The following PXDNL variants were observed in gnomAD, a reference collection of about 807,000 sequenced individuals.
PXDNL encodes peroxidasin like, also known as probable oxidoreductase PXDNL.
A neutral mutation model predicts 150.8 loss-of-function variants in PXDNL; 145 were observed. That is an observed-to-expected ratio of 0.96 (90% CI 0.84 to 1.10). The LOEUF (loss-of-function observed/expected upper bound fraction) is 1.10. Ranked by LOEUF, PXDNL falls within the 50% of genes least tolerant of loss-of-function variation. The pLI is 0.00. For synonymous variants in PXDNL, 757 were observed against 725.7 expected (o/e 1.04, Z -0.69); for missense variants, 2,087 against 1,873.9 (o/e 1.11, Z -2.10).
intron 5 of PXDNL, among the ~76,000 whole-genome samples, chr8:51,486,299 T>A (rs1447088587): frequency 2.0e-5 from 3 of 152,198 alleles, no homozygotes; most frequent in Non-Finnish European, 2.9e-5. Context: ...TGAATTTTTT[T>A]AATTTTGTAC....
chr8:51,696,582 C>G (rs956859781), intron 1 of PXDNL, among the ~76,000 whole-genome samples: 9 of 144,374 alleles, frequency 6.2e-5, no homozygotes, highest in African/African-American at 2.3e-4. Context: ...AGACACAACT[C>G]AAGGCCCATG....
Position 51,408,470 on chromosome 8 carries a change from C to T in PXDNL, c.3154G>A (p.Ala1052Thr), listed in dbSNP as rs370428390. ...AGIINSFATAAFRFGHTLINP... is the reference protein window; with the variant it reads ...AGIINSFATATFRFGHTLINP... ...ATTAATGTGTGGCCAAATCTAAAGG[C>T]TGCAGTAGCAAAAGAGTTAATGATG... The change falls in exon 17 of 23, where the codon GCC (alanine) becomes ACC (threonine). Residue 1052 changes from alanine to threonine, a missense_variant. By Grantham distance (58) the Ala-to-Thr change is moderately conservative (BLOSUM62 0). Coordinates refer to ENST00000356297, the MANE Select transcript of PXDNL (RefSeq NM_144651.5). 18 of 1,613,756 alleles carry T rather than the reference C, an allele frequency of 1.1e-5. No homozygotes were observed. The highest frequency in any genetic ancestry group is 1.7e-5 in the Admixed American group (1 of 59,974).
intron 4 of PXDNL, among the ~76,000 whole-genome samples, chr8:51,547,440 T>C (rs1405808565): frequency 6.6e-6 from 1 of 152,106 alleles, no homozygotes; most frequent in East Asian, 1.9e-4. Flanking sequence ...AGAGTCCACT[T>C]CACTTCCCCA....
intron 5 of PXDNL, among the ~76,000 whole-genome samples, chr8:51,495,115 G>A (rs1396683947): frequency 1.3e-5 from 2 of 151,866 alleles, no homozygotes; most frequent in African/African-American, 4.8e-5. Flanking sequence ...TAGAACCCAG[G>A]ATTAAGAAAC....
chr8:51,603,644 G>A (rs985056963), intron 2 of PXDNL, among the ~76,000 whole-genome samples: 9 of 151,968 alleles, frequency 5.9e-5, no homozygotes, highest in Admixed American at 2.0e-4. Flanking sequence ...AGCATATCCT[G>A]TAATGACCAT....
At chr8:51,606,227 T>C (rs944838367) in intron 2 of PXDNL, among the ~76,000 whole-genome samples, 2 of 152,226 alleles carry the variant, frequency 1.3e-5, no homozygotes, top group African/African-American at 2.4e-5. Context: ...CACAGAGTTT[T>C]AGACATAAAG....
At chr8:51,381,958 T>A (rs910718036) in intron 17 of PXDNL, among the ~76,000 whole-genome samples, 2 of 152,162 alleles carry the variant, frequency 1.3e-5, no homozygotes, top group Admixed American at 1.3e-4. Flanking sequence ...ATTATTATTA[T>A]ACTTTAAGTT....
chr8:51,509,741 T>C (rs565110817), intron 4 of PXDNL, among the ~76,000 whole-genome samples: 6,759 of 143,052 alleles, frequency 0.047, 180 homozygotes, highest in Non-Finnish European at 0.06. Flanking sequence ...TATACATATA[T>C]ACACACACAC....
Position 51,409,369 on chromosome 8 carries a change from A to C in PXDNL, c.2255T>G (p.Leu752Arg). Residue 752 changes from leucine (L) to arginine (R), a missense_variant, in exon 17 of 23, where the codon CTG (leucine) becomes CGG (arginine). By Grantham distance (102) the Leu-to-Arg change is moderately radical. Transcript: ENST00000356297. The stretch of plus-strand genomic sequence containing the variant: ...GCCGTCCCGGTAGGCTGGCTGCAGC[A>C]GGCGCGCGAAGGCGGTCAGCGCCGC... ...WGAALTAFARLLQPAYRDGIR... is the reference protein window; with the variant it reads ...WGAALTAFARRLQPAYRDGIR... 1 of 1,566,296 alleles carries C rather than the reference A, an allele frequency of 6.4e-7. No homozygotes were observed. The highest frequency in any genetic ancestry group is 1.4e-5 in the African/African-American group (1 of 71,702).
At chr8:51,588,167 T>A (rs1813367618) in intron 3 of PXDNL, among the ~76,000 whole-genome samples, 1 of 152,040 alleles carries the variant, frequency 6.6e-6, no homozygotes, top group Admixed American at 6.6e-5. Context: ...TTACCATATT[T>A]GAAGAAATAA....
intron 9 of PXDNL, among the ~76,000 whole-genome samples, chr8:51,456,869 C>T (rs57081907): frequency 0.034 from 5,202 of 152,298 alleles, 275 homozygotes; most frequent in African/African-American, 0.12. Flanking sequence ...CAGCACACAA[C>T]TGTCCTTTAT....
chr8:51,736,619 A>G (rs894621456), intron 1 of PXDNL, among the ~76,000 whole-genome samples: 1 of 152,224 alleles, frequency 6.6e-6, no homozygotes, highest in Non-Finnish European at 1.5e-5. Flanking sequence ...GCATTCCCCA[A>G]GGCAACCTGA....
intron 1 of PXDNL, among the ~76,000 whole-genome samples, chr8:51,665,468 G>A (rs1300115076): frequency 6.6e-6 from 1 of 152,258 alleles, no homozygotes; most frequent in East Asian, 1.9e-4. Context: ...TAAACACCAT[G>A]TTGTCATTGT....
intron 19 of PXDNL, among the ~76,000 whole-genome samples, chr8:51,353,494 T>C (rs1376661431): frequency 1.3e-5 from 2 of 152,100 alleles, no homozygotes; most frequent in South Asian, 4.1e-4. Context: ...CTTGATAAAA[T>C]ATTTATTTGG....
chr8:51,404,184 G>A (rs1456125980), intron 17 of PXDNL, among the ~76,000 whole-genome samples: 2 of 152,254 alleles, frequency 1.3e-5, no homozygotes, highest in African/African-American at 2.4e-5. Flanking sequence ...GTAAGCAGCA[G>A]CAATATTTAT....
chr8:51,733,200 T>C (rs1816967007), intron 1 of PXDNL, among the ~76,000 whole-genome samples: 1 of 152,222 alleles, frequency 6.6e-6, no homozygotes, highest in Non-Finnish European at 1.5e-5. Flanking sequence ...AGGAAAACCC[T>C]GTAGTGACCT....
intron 1 of PXDNL, among the ~76,000 whole-genome samples, chr8:51,665,306 C>T (rs1815361450): frequency 6.6e-6 from 1 of 152,074 alleles, no homozygotes; most frequent in South Asian, 2.1e-4. Flanking sequence ...TTGGACAGGC[C>T]CACACTCTCA....
intron 1 of PXDNL, among the ~76,000 whole-genome samples, chr8:51,693,377 T>A (rs183318322): frequency 8.5e-5 from 13 of 152,368 alleles, no homozygotes; most frequent in Non-Finnish European, 7.3e-5. Context: ...ATTTATTTCA[T>A]GAGAAACACT....
intron 12 of PXDNL, among the ~76,000 whole-genome samples, chr8:51,432,879 A>T (rs985823812): frequency 6.6e-6 from 1 of 152,176 alleles, no homozygotes; most frequent in African/African-American, 2.4e-5. Flanking sequence ...TTCCATTACA[A>T]CATTGAGTAC....
Sources: allele counts gnomAD v4.1 joint callset (sites outside exome capture counted in the v4.1 genomes callset), GRCh38; gene constraint gnomAD v4.1.1; transcripts MANE v1.5; gene names NCBI Gene and HGNC (gene_info 2026-07-23, HGNC 2026-07-21).